Variants in GRK5 observed in about 807,000 individuals in gnomAD.
GRK5 encodes the protein g protein-coupled receptor kinase GRK5.
GRK5 carries 40 observed loss-of-function variants against 78.4 expected under a neutral mutation model. That is an observed-to-expected ratio of 0.51 (90% CI 0.40 to 0.66). The LOEUF (loss-of-function observed/expected upper bound fraction) is 0.66. GRK5 is among the 30% of genes least tolerant of loss of function. GRK5 has a pLI of 0.00. For missense variants in GRK5, 598 were observed against 759.9 expected (o/e 0.79, Z 2.50); for synonymous variants, 289 against 296.8 (o/e 0.97, Z 0.27).
chr10:119,340,616 G>A (rs1454345074), intron 2 of GRK5, among the ~76,000 whole-genome samples: 5 of 152,136 alleles, frequency 3.3e-5, no homozygotes, highest in African/African-American at 4.8e-5. Flanking sequence ...TACCAGCCTC[G>A]ACTATCATCT....
In GRK5 at chr10:119,455,545, A is replaced by C. The variant is rs1448405656; in HGVS notation, c.*478A>C. ...TTAGCGGGGAGGGGGTTATCAAAAA[A>C]AAAAAAATGTGACTCAAGACTTCCA... On this transcript the variant is annotated 3_prime_UTR_variant, in exon 16 of 16. Transcript: ENST00000392870. 3.4e-5 allele frequency: 10 copies of C among 295,092 alleles called. No individual in the cohort carries two copies. Among genetic ancestry groups the C allele is most frequent in the Non-Finnish European group, 6.5e-5 (10 of 154,322 alleles). 18.3% of individuals were successfully genotyped at this position (295,092 alleles called of 1,614,324 possible). A position where few individuals can be genotyped will look rare whatever the true frequency, so the allele number is the denominator to read the frequency against.
At chr10:119,298,166 C>T (rs907111190) in intron 1 of GRK5, among the ~76,000 whole-genome samples, 4 of 152,208 alleles carry the variant, frequency 2.6e-5, no homozygotes, top group Non-Finnish European at 4.4e-5. Context: ...GTTTAATCCT[C>T]ATGATGCAGC....
rs7095048 is a variant in GRK5, at chr10:119,453,625, G to A, written c.1674+349G>A. ...CTCCACCCACCAGATGCAGCAACAC[G>A]CCATCCCCCAGTCGTGAGAGCCCAT... On this transcript the variant is annotated intron_variant, in intron 15 of 15. Coordinates refer to ENST00000392870, the MANE Select transcript of GRK5 (RefSeq NM_005308.3). Among the ~76,000 whole-genome samples the A allele has an allele frequency of 7.7e-3, 1,171 of 152,108 alleles. 13 individuals are homozygous for A. Among genetic ancestry groups the A allele is most frequent in the Non-Finnish European group, 0.013 (874 of 67,978 alleles).
At chr10:119,220,230 G>A (rs980263630) in intron 1 of GRK5, among the ~76,000 whole-genome samples, 2 of 152,082 alleles carry the variant, frequency 1.3e-5, no homozygotes, top group East Asian at 1.9e-4. Context: ...TTATTTTGCC[G>A]CACACTTATT....
At chr10:119,281,187 C>T (rs1849756882) in intron 1 of GRK5, among the ~76,000 whole-genome samples, 1 of 127,444 alleles carries the variant, frequency 7.8e-6, no homozygotes, top group African/African-American at 2.8e-5. Flanking sequence ...GGATTTGCCA[C>T]CATGTGCTGC....
Position 119,456,266 on chromosome 10 carries a change from C to T in GRK5, c.*1199C>T, listed in dbSNP as rs1853401708. 2 of 152,206 alleles carry T rather than the reference C, an allele frequency of 1.3e-5. No homozygotes were observed. 9.4% of individuals were successfully genotyped at this position (152,206 alleles called of 1,614,324 possible). ...GGCAAATGAGAGGCCCAAGGAGAGA[C>T]CAAGCCACCAAAGGGCTCAAGACAA... is the stretch of plus-strand genomic sequence containing the variant. On this transcript the variant is annotated 3_prime_UTR_variant, in exon 16 of 16. Transcript: ENST00000392870. This position sits in a 1 kb window ranked among gnomAD's most constrained non-coding sequence, Gnocchi z 5.5.
At chr10:119,274,873 G>C (rs1186167534) in intron 1 of GRK5, among the ~76,000 whole-genome samples, 1 of 152,194 alleles carries the variant, frequency 6.6e-6, no homozygotes, top group African/African-American at 2.4e-5. Flanking sequence ...TGGCCTGTAA[G>C]TACCTATTGT....
intron 1 of GRK5, among the ~76,000 whole-genome samples, chr10:119,311,712 G>A (rs1251458347): frequency 6.6e-6 from 1 of 151,744 alleles, no homozygotes; most frequent in Non-Finnish European, 1.5e-5. Context: ...CTTGAACCCA[G>A]TGAGTGGAGG....
chr10:119,370,368 CAT>C (rs760747183), intron 2 of GRK5, among the ~76,000 whole-genome samples: 14 of 152,220 alleles, frequency 9.2e-5, no homozygotes, highest in South Asian at 2.1e-4. Flanking sequence ...CCCACAGAAA[CAT>C]GTGACAAGCA....
intron 2 of GRK5, among the ~76,000 whole-genome samples, chr10:119,353,744 T>C (rs1257951341): frequency 6.6e-6 from 1 of 152,174 alleles, no homozygotes; most frequent in Non-Finnish European, 1.5e-5. Flanking sequence ...TACCTGACAA[T>C]GTCATTGTAC....
At chr10:119,363,821 T>A (rs1361073007) in intron 2 of GRK5, among the ~76,000 whole-genome samples, 1 of 152,238 alleles carries the variant, frequency 6.6e-6, no homozygotes. Context: ...CACCCCTAGC[T>A]GCAGAGGTGG....
intron 14 of GRK5, 76 bp from the exon 15 acceptor site, chr10:119,453,069 G>GC: frequency 1.0e-6 from 1 of 968,666 alleles, no homozygotes; most frequent in South Asian, 1.3e-5. Context: ...AGGGGAGGGA[G>GC]CCCCAGTGGC....
At chr10:119,312,274 T>C (rs1850372064) in intron 1 of GRK5, among the ~76,000 whole-genome samples, 5 of 152,236 alleles carry the variant, frequency 3.3e-5, no homozygotes, top group Admixed American at 3.3e-4. Context: ...TAAATGATTA[T>C]TTTTTAATGG....
intron 1 of GRK5, among the ~76,000 whole-genome samples, chr10:119,303,637 A>G (rs1850223365): frequency 6.6e-6 from 1 of 151,982 alleles, no homozygotes; most frequent in Admixed American, 6.6e-5. Context: ...GAATTCCATG[A>G]GTTGCTTTGG....
Position 119,326,584 on chromosome 10 carries a change from C to T in GRK5, c.121C>T (p.Gln41Ter). 2 of 1,613,832 alleles carry T rather than the reference C, an allele frequency of 1.2e-6. No homozygotes were observed. Among genetic ancestry groups the T allele is most frequent in the Non-Finnish European group, 1.7e-6 (2 of 1,179,732 alleles). The change falls in exon 2 of 16, where the codon CAG becomes TAG. Residue 41 changes from glutamine (Q) to a stop codon, truncating the protein, a stop_gained. Transcript: ENST00000392870. LOFTEE classifies it high-confidence loss of function. ...AATCCTGAAGTTCCCTCACATTAGC[C>T]AGTGTGAAGACCTCCGAAGGACCAT... is the stretch of plus-strand genomic sequence containing the variant. ...KEILKFPHIS[Q>*]CEDLRRTIDR...
chr10:119,233,558 G>A (rs1343707990), intron 1 of GRK5, among the ~76,000 whole-genome samples: 1 of 152,116 alleles, frequency 6.6e-6, no homozygotes, highest in African/African-American at 2.4e-5. Context: ...GTTTCATTTT[G>A]GTGTCCAGCC....
intron 1 of GRK5, among the ~76,000 whole-genome samples, chr10:119,221,693 G>A (rs1206450348): frequency 6.6e-6 from 1 of 151,710 alleles, no homozygotes; most frequent in Non-Finnish European, 1.5e-5. Flanking sequence ...TTTTTTTCCT[G>A]TGGGAGTATC....
At chr10:119,348,405 A>C (rs1851135275) in intron 2 of GRK5, among the ~76,000 whole-genome samples, 1 of 151,536 alleles carries the variant, frequency 6.6e-6, no homozygotes, top group Non-Finnish European at 1.5e-5. Context: ...GGCAATGAAT[A>C]AGTCAGTGCG....
chr10:119,450,913 C>T (rs1439810554), intron 13 of GRK5, among the ~76,000 whole-genome samples: 1 of 151,930 alleles, frequency 6.6e-6, no homozygotes, highest in Non-Finnish European at 1.5e-5. Flanking sequence ...TTTGCCTTTT[C>T]CCCACTGGCC....
Sources: gnomAD v4.1 joint callset for allele counts (sites outside exome capture counted in the v4.1 genomes callset) on GRCh38, gnomAD v4.1.1 for gene constraint, Gnocchi (gnomAD v3.1) non-coding constraint, MANE v1.5 for transcripts, NCBI Gene and HGNC (gene_info 2026-07-23, HGNC 2026-07-21) for gene names.